The following ABCA9 variants were observed in gnomAD, a reference collection of about 807,000 sequenced individuals.
ABCA9 encodes ATP-binding cassette sub-family A member 9.
In ABCA9, 183 loss-of-function variants were observed where a neutral mutation model predicts 205.3. The observed-to-expected ratio is 0.89, with a 90% confidence interval of 0.79 to 1.01. ABCA9 has a LOEUF of 1.01. ABCA9 is among the 50% of genes least tolerant of loss of function. The probability of loss-of-function intolerance (pLI) is 0.00; values close to 1 mark genes in which losing one functional copy is unlikely to be tolerated. For missense variants in ABCA9, 1,805 were observed against 1,912.4 expected, an observed-to-expected ratio of 0.94 and a Z score of 1.05; for synonymous variants, 651 against 683.3, an observed-to-expected ratio of 0.95 and a Z score of 0.74.
At chr17:68,993,179 C>T in intron 26 of ABCA9, 95 bp from the exon 27 acceptor site, 1 of 1,012,934 alleles carries the variant, frequency 9.9e-7, no homozygotes, top group Non-Finnish European at 1.5e-6. Context: ...ATTCAATGGC[C>T]TTACAACCAT....
At chr17:68,980,495 T>C (rs919320761) in intron 37 of ABCA9, among the ~76,000 whole-genome samples, 8 of 152,030 alleles carry the variant, frequency 5.3e-5, no homozygotes, top group Admixed American at 3.3e-4. Context: ...CGTATGTTTA[T>C]TGCGGCACTA....
intron 25 of ABCA9, among the ~76,000 whole-genome samples, chr17:69,006,010 C>T (rs929430925): frequency 1.4e-4 from 21 of 152,224 alleles, no homozygotes; most frequent in African/African-American, 4.8e-4. Flanking sequence ...CCTGTTAAGT[C>T]ATTGCCCATG....
At chr17:69,030,648 G>A (rs138036966) in intron 10 of ABCA9, among the ~76,000 whole-genome samples, 291 of 152,218 alleles carry the variant, frequency 1.9e-3, no homozygotes, top group African/African-American at 6.4e-3. Flanking sequence ...TTTAAACTTC[G>A]TAGCCTTGGG....
In ABCA9 at chr17:69,021,805, A is replaced by G. The variant is rs775915587; in HGVS notation, c.2338T>C (p.Ser780Pro). The G allele has an allele frequency of 1.9e-6, 3 of 1,598,108 alleles. No homozygotes were observed. Among genetic ancestry groups the G allele is most frequent in the Admixed American group, 3.4e-5 (2 of 58,792 alleles). Residue 780 changes from serine to proline, a missense_variant, in exon 18 of 39, where the codon TCC becomes CCC. Coordinates refer to ENST00000340001, the MANE Select transcript of ABCA9 (RefSeq NM_080283.4). ...SNQGIEDYGV[S>P]ITTLNEVFLK... ...AACACCTCATTCAAAGTTGTTATGG[A>G]AACACCATAATCCTCAATGCCTTGG...
chr17:69,012,884 C>T (rs968976902), intron 22 of ABCA9, among the ~76,000 whole-genome samples: 2 of 152,098 alleles, frequency 1.3e-5, no homozygotes, highest in African/African-American at 4.8e-5. Flanking sequence ...CTCCCTTTCC[C>T]AGCCTCTGGT....
chr17:69,060,395 C>G (rs1310626416), intron 1 of ABCA9, among the ~76,000 whole-genome samples: 1 of 152,038 alleles, frequency 6.6e-6, no homozygotes, highest in Admixed American at 6.6e-5. Context: ...CTATAATAAA[C>G]AAGATCAATA....
intron 22 of ABCA9, 124 bp downstream of exon 22, chr17:69,016,119 TATATACACAC>T (rs1401306847): frequency 5.2e-5 from 12 of 230,760 alleles, no homozygotes; most frequent in African/African-American, 7.6e-5. Flanking sequence ...TATATATATA[TATATACACAC>T]ACACACACAC....
At chr17:69,039,826 C>G (rs1471696529) in intron 6 of ABCA9, among the ~76,000 whole-genome samples, 1 of 152,090 alleles carries the variant, frequency 6.6e-6, no homozygotes, top group Non-Finnish European at 1.5e-5. Flanking sequence ...GTCTACTATC[C>G]AGAATCTACA....
upstream of ABCA9, among the ~76,000 whole-genome samples, chr17:69,064,355 A>G (rs746641582): frequency 1.3e-5 from 2 of 152,172 alleles, no homozygotes; most frequent in Non-Finnish European, 2.9e-5. Flanking sequence ...CAGGATCTAC[A>G]TTACTCTGGC....
At chr17:69,071,623 C>T in the ABCA9 span, among the ~76,000 whole-genome samples, 1 of 152,116 alleles carries the variant, frequency 6.6e-6, no homozygotes, top group African/African-American at 2.4e-5. Flanking sequence ...TAGATAAATC[C>T]ACGAAGATGA....
chr17:69,026,318 C>T (rs2070982355), intron 16 of ABCA9, 59 bp downstream of exon 16: 4 of 1,369,108 alleles, frequency 2.9e-6, no homozygotes, highest in African/African-American at 1.4e-5. Flanking sequence ...GATGCTGATA[C>T]CACCTGCCTC....
At chr17:69,026,596 C>T in intron 15 of ABCA9, 129 bp from the exon 16 acceptor site, 1 of 818,458 alleles carries the variant, frequency 1.2e-6, no homozygotes, top group African/African-American at 1.7e-5. Flanking sequence ...TAATTCTGGC[C>T]ATACGTAAAC....
In ABCA9 at chr17:68,978,623, G is replaced by A. The variant is rs532453503; in HGVS notation, c.4721-2433C>T. ...GCTGGTACCGGTTGTTCCTTTCCAT[G>A]TTTAGTGCTTCCTTCAGGAGCTCTT... On this transcript the variant is annotated intron_variant, in intron 37 of 38. Coordinates refer to ENST00000340001, the MANE Select transcript of ABCA9 (RefSeq NM_080283.4). 7.2e-5 allele frequency among the ~76,000 whole-genome samples: 11 copies of A among 152,240 alleles called. No homozygotes were observed. In the South Asian group the frequency reaches 2.3e-3, roughly 32 times the overall value.
At chr17:69,051,480 A>G in intron 1 of ABCA9, 1 of 255,510 alleles carries the variant, frequency 3.9e-6, no homozygotes, top group Non-Finnish European at 7.5e-6. Context: ...TGGGGGTACA[A>G]ACTAACCCAG....
chr17:69,040,438 G>A (rs2071493579), intron 6 of ABCA9, among the ~76,000 whole-genome samples: 6 of 152,160 alleles, frequency 3.9e-5, no homozygotes, highest in Admixed American at 3.9e-4. Flanking sequence ...ATCATTCTCA[G>A]CAAACTATCA....
the ABCA9 span, among the ~76,000 whole-genome samples, chr17:69,066,635 A>T: frequency 6.6e-6 from 1 of 152,092 alleles, no homozygotes; most frequent in African/African-American, 2.4e-5. Flanking sequence ...GTCACAAGAA[A>T]AAAAGGAAGT....
rs1171601054 is a variant in ABCA9 at position 69,028,550 on chromosome 17, A to C, written c.1600T>G (p.Ser534Ala). The C allele has an allele frequency of 3.1e-6, 5 of 1,603,906 alleles. No individual in the cohort carries two copies. Among genetic ancestry groups the C allele is most frequent in the Non-Finnish European group, 1.7e-6 (2 of 1,173,980 alleles). The change falls in exon 12 of 39, where the codon TCA (serine) becomes GCA (alanine). Residue 534 changes from serine (S) to alanine (A), a missense_variant. Transcript: ENST00000340001. ...GTCTTCTTACCTGATGTTGGAACTG[A>C]CAACCCACTAAGTATGTTTAACAGG... The part of the protein sequence containing the change: ...TTLLNILSGL[S>A]VPTSGSVTVY...
the ABCA9 span, among the ~76,000 whole-genome samples, chr17:69,067,640 GAGAA>G: frequency 6.6e-6 from 1 of 150,950 alleles, no homozygotes; most frequent in African/African-American, 2.4e-5. Flanking sequence ...AAGAAACAAA[GAGAA>G]AGAAAAGAAA....
the ABCA9 span, among the ~76,000 whole-genome samples, chr17:69,074,689 T>G: frequency 6.6e-6 from 1 of 152,222 alleles, no homozygotes; most frequent in African/African-American, 2.4e-5. Context: ...ATGTCTTTAC[T>G]ATTGTGAATA....
Sources: allele counts gnomAD v4.1 joint callset (sites outside exome capture counted in the v4.1 genomes callset), GRCh38; gene constraint gnomAD v4.1.1; transcripts MANE v1.5; gene names NCBI Gene and HGNC (gene_info 2026-07-23, HGNC 2026-07-21).